The following ZFHX3 variants were observed in gnomAD, a reference collection of about 807,000 sequenced individuals.
ZFHX3 encodes the protein zinc finger homeobox protein 3.
Under a neutral mutation model 279.1 loss-of-function variants are expected in ZFHX3, and 42 were observed. The observed-to-expected ratio is 0.15, with a 90% CI of 0.12 to 0.19. The LOEUF (loss-of-function observed/expected upper bound fraction) is 0.19, where lower values mean the gene tolerates loss of function less well. Among genes scored for constraint, ZFHX3 ranks in the 10% least tolerant of loss-of-function variants. ZFHX3 has a pLI of 1.00. For missense variants in ZFHX3, 4,981 were observed against 4,754.0 expected (o/e 1.05, Z -1.40); for synonymous variants, 2,293 against 1,957.8 (o/e 1.17, Z -4.52).
At chr16:73,057,252 T>C (rs144320470) in intron 1 of ZFHX3, among the ~76,000 whole-genome samples, 3 of 152,304 alleles carry the variant, frequency 2.0e-5, no homozygotes, top group Admixed American at 6.5e-5. Context: ...TAGCACAACA[T>C]TGAACAAAAG....
intron 4 of ZFHX3, among the ~76,000 whole-genome samples, chr16:73,312,103 A>G (rs1008229711): frequency 2.6e-5 from 4 of 152,204 alleles, no homozygotes; most frequent in Non-Finnish European, 5.9e-5. Flanking sequence ...GGTCCAGATG[A>G]CAGCAACCAA....
At chr16:73,362,083 G>A (rs986442894) in intron 3 of ZFHX3, among the ~76,000 whole-genome samples, 1 of 152,182 alleles carries the variant, frequency 6.6e-6, no homozygotes, top group African/African-American at 2.4e-5. Context: ...TTGGGAGGAT[G>A]ACAGCCAAGA....
intron 4 of ZFHX3, among the ~76,000 whole-genome samples, chr16:72,860,015 T>C (rs959633841): frequency 5.9e-5 from 9 of 151,810 alleles, no homozygotes; most frequent in African/African-American, 1.2e-4. Context: ...GGGTGGCGAG[T>C]TCTTATTTCC....
chr16:73,602,675 G>C (rs779459329), intron 2 of ZFHX3, among the ~76,000 whole-genome samples: 2 of 152,178 alleles, frequency 1.3e-5, no homozygotes, highest in South Asian at 2.1e-4. Flanking sequence ...GGCTAGGCGC[G>C]GTGGCTCAAG....
At chr16:73,393,328 G>A (rs765289546) in intron 3 of ZFHX3, among the ~76,000 whole-genome samples, 1 of 152,150 alleles carries the variant, frequency 6.6e-6, no homozygotes, top group Non-Finnish European at 1.5e-5. Flanking sequence ...AGTCTCAATG[G>A]GCTGATGACT....
intron 2 of ZFHX3, among the ~76,000 whole-genome samples, chr16:73,464,598 C>T (rs373890274): frequency 2.3e-4 from 4 of 17,160 alleles, no homozygotes; most frequent in Non-Finnish European, 4.2e-4. Context: ...AAATAAGGGG[C>T]GGGGGGGAGA....
chr16:73,784,682 G>A (rs1246392130), intron 1 of ZFHX3, among the ~76,000 whole-genome samples: 1 of 151,668 alleles, frequency 6.6e-6, no homozygotes, highest in Non-Finnish European at 1.5e-5. Context: ...AGGAGGCAGA[G>A]GTTGCAGTGA....
chr16:72,832,470 G>C (rs1415402078), intron 4 of ZFHX3, among the ~76,000 whole-genome samples: 1 of 152,120 alleles, frequency 6.6e-6, no homozygotes, highest in Non-Finnish European at 1.5e-5. Flanking sequence ...GTTATTTCAA[G>C]AACTTATTTT....
chr16:73,330,525 T>C (rs1025462491), intron 3 of ZFHX3, among the ~76,000 whole-genome samples: 1 of 152,204 alleles, frequency 6.6e-6, no homozygotes, highest in Non-Finnish European at 1.5e-5. Context: ...CAGGATTTTG[T>C]AGTCAGAAAC....
intron 7 of ZFHX3, among the ~76,000 whole-genome samples, chr16:73,109,934 A>C (rs1037648483): frequency 2.6e-5 from 4 of 152,134 alleles, no homozygotes; most frequent in Non-Finnish European, 5.9e-5. Flanking sequence ...AAAACTAATG[A>C]TACGACATTA....
At chr16:73,750,473 C>T (rs1019600171) in intron 1 of ZFHX3, among the ~76,000 whole-genome samples, 6 of 152,172 alleles carry the variant, frequency 3.9e-5, no homozygotes, top group East Asian at 3.9e-4. Flanking sequence ...CACAATACCA[C>T]GCTATGTGTG....
chr16:72,983,691 A>T (rs1324222117), intron 1 of ZFHX3, among the ~76,000 whole-genome samples: 1 of 151,796 alleles, frequency 6.6e-6, no homozygotes, highest in Non-Finnish European at 1.5e-5. Flanking sequence ...TGGGTGACAG[A>T]TCAAGATCTT....
chr16:72,836,502 G>A (rs1210770915), intron 4 of ZFHX3, among the ~76,000 whole-genome samples: 1 of 152,102 alleles, frequency 6.6e-6, no homozygotes, highest in Non-Finnish European at 1.5e-5. Context: ...CTTAAATCAA[G>A]GTGGTTTTTG....
Position 73,638,575 on chromosome 16 carries a change from A to G in ZFHX3, c.-1547+41605T>C, listed in dbSNP as rs554632186. Among the ~76,000 whole-genome samples the G allele has an allele frequency of 4.6e-5, 7 of 152,320 alleles. No homozygotes were observed. In the South Asian group the frequency reaches 1.2e-3, roughly 27 times the overall value. ...TATCATCCTTTGAAAGAATGCTAGTATTTTGTATGCTTACATACAGTTTGC... is the reference window on the plus strand; with the variant it reads ...TATCATCCTTTGAAAGAATGCTAGTGTTTTGTATGCTTACATACAGTTTGC... On this transcript the variant is annotated intron_variant, in intron 2 of 17. Transcript: ENST00000641206.
intron 2 of ZFHX3, among the ~76,000 whole-genome samples, chr16:73,473,371 A>AAAAAAACAC (rs2018709703): frequency 1.3e-5 from 2 of 150,610 alleles, no homozygotes; most frequent in African/African-American, 5.0e-5. Flanking sequence ...AAAAAAAAAA[A>AAAAAAACAC]ACAAAATAAT....
intron 2 of ZFHX3, among the ~76,000 whole-genome samples, chr16:73,619,372 C>G (rs966663710): frequency 2.0e-5 from 3 of 151,468 alleles, no homozygotes; most frequent in Non-Finnish European, 2.9e-5. Flanking sequence ...CCTATAGTCC[C>G]AGCTACTCGG....
intron 1 of ZFHX3, among the ~76,000 whole-genome samples, chr16:73,039,612 C>A (rs780299692): frequency 6.6e-6 from 1 of 152,246 alleles, no homozygotes; most frequent in East Asian, 1.9e-4. Flanking sequence ...CCCACTCCCC[C>A]CAAAAACAAT....
chr16:72,811,704 T>G lies in ZFHX3; in HGVS notation c.3737A>C (p.His1246Pro). ...GCAGCGAAGCATGGGTTGCACCGAG[T>G]GCTGCGTCATGGCATGCACCCGGAG... ...NRLRVHAMTQ[H>P]SVQPMLRCPL... Residue 1246 changes from histidine to proline, a missense_variant, in exon 7 of 10, where the codon CAC (histidine) becomes CCC (proline). His to Pro is a moderately conservative substitution (Grantham distance 77). This residue lies in a region of ZFHX3 where 1,751 missense variants were observed against 1,770.0 expected (regional missense o/e 0.99). Coordinates refer to ENST00000268489, the MANE Select transcript of ZFHX3 (RefSeq NM_006885.4). The G allele has an allele frequency of 6.2e-7, 1 of 1,614,020 alleles. No individual in the cohort carries two copies. The highest frequency in any genetic ancestry group is 8.5e-7 in the Non-Finnish European group (1 of 1,180,000).
intron 4 of ZFHX3, among the ~76,000 whole-genome samples, chr16:72,876,186 G>A (rs1261664452): frequency 4.6e-5 from 7 of 152,220 alleles, no homozygotes; most frequent in South Asian, 4.1e-4. Flanking sequence ...CAAAATAACC[G>A]GGTTCAAATA....
Sources: allele counts gnomAD v4.1 joint callset (sites outside exome capture counted in the v4.1 genomes callset), GRCh38; gene constraint gnomAD v4.1.1; regional missense constraint gnomAD v4.1.1; transcripts MANE v1.5; gene names NCBI Gene and HGNC (gene_info 2026-07-23, HGNC 2026-07-21).